Variants in HS3ST3A1 observed in about 807,000 individuals in gnomAD.
HS3ST3A1 encodes heparan sulfate-glucosamine 3-sulfotransferase 3A1.
A neutral mutation model predicts 25.7 loss-of-function variants in HS3ST3A1; 19 were observed. The ratio of observed to expected loss-of-function variants is 0.74; its 90% CI spans 0.52 to 1.08. The LOEUF is 1.08. Among genes scored for constraint, HS3ST3A1 ranks in the 50% least tolerant of loss-of-function variants. The probability of loss-of-function intolerance (pLI) is 0.00; values close to 1 mark genes in which losing one functional copy is unlikely to be tolerated. For synonymous variants in HS3ST3A1, 226 were observed against 278.6 expected (o/e 0.81, Z 1.88); for missense variants, 459 against 594.3 (o/e 0.77, Z 2.37).
chr17:13,572,142 C>G (rs1182032354), intron 1 of HS3ST3A1, among the ~76,000 whole-genome samples: 2 of 152,160 alleles, frequency 1.3e-5, no homozygotes, highest in East Asian at 1.9e-4. Flanking sequence ...TTTATTTTTT[C>G]TGTCTCTCTT....
intron 1 of HS3ST3A1, among the ~76,000 whole-genome samples, chr17:13,553,612 C>T (rs924515740): frequency 2.0e-5 from 3 of 152,158 alleles, no homozygotes; most frequent in African/African-American, 4.8e-5. Flanking sequence ...TGAATGTCTT[C>T]GATTTGATTC....
chr17:13,524,466 CA>C (rs1301716707), intron 1 of HS3ST3A1, among the ~76,000 whole-genome samples: 2 of 152,062 alleles, frequency 1.3e-5, no homozygotes, highest in East Asian at 1.9e-4. Context: ...CCACGTTGCC[CA>C]GGGGGAGGAC....
chr17:13,534,258 C>T (rs1395605675), intron 1 of HS3ST3A1, among the ~76,000 whole-genome samples: 1 of 152,076 alleles, frequency 6.6e-6, no homozygotes, highest in Non-Finnish European at 1.5e-5. Context: ...ATGCTTGGAA[C>T]AAGTACTCAA....
At chr17:13,588,900 G>A (rs953664142) in intron 1 of HS3ST3A1, among the ~76,000 whole-genome samples, 1 of 152,100 alleles carries the variant, frequency 6.6e-6, no homozygotes, top group Non-Finnish European at 1.5e-5. Flanking sequence ...TAGCCAGGAT[G>A]GTCTTGACCG....
chr17:13,595,744 A>G (rs1267296377), intron 1 of HS3ST3A1, among the ~76,000 whole-genome samples: 1 of 152,190 alleles, frequency 6.6e-6, no homozygotes, highest in Non-Finnish European at 1.5e-5. Context: ...TAAGGAAACG[A>G]GCTAAGAATA....
chr17:13,500,307 C>T (rs1418682986), intron 1 of HS3ST3A1, among the ~76,000 whole-genome samples: 1 of 152,146 alleles, frequency 6.6e-6, no homozygotes, highest in Non-Finnish European at 1.5e-5. Context: ...GGCAAAACCG[C>T]AATTACTTTT....
intron 1 of HS3ST3A1, among the ~76,000 whole-genome samples, chr17:13,561,934 G>C (rs1907561319): frequency 6.6e-6 from 1 of 152,080 alleles, no homozygotes; most frequent in African/African-American, 2.4e-5. Context: ...GCTGAAGGCG[G>C]CTTCCTCAGA....
At position 13,519,781 on chromosome 17, in the gene HS3ST3A1, GA is replaced by G. The variant is rs371054464; in HGVS notation, c.600-22964del. ...ATTGTTTTAATCTTTACCAAGTCTAGAAAAAAAAAAGTAACTCCAACCTATT... is the reference window on the plus strand; with the variant it reads ...ATTGTTTTAATCTTTACCAAGTCTAGAAAAAAAAAGTAACTCCAACCTATT... On this transcript the variant is annotated intron_variant, in intron 1 of 1. Transcript: ENST00000284110. Among the ~76,000 whole-genome samples, 688 of 148,322 alleles carry G rather than the reference GA, an allele frequency of 4.6e-3. 2 individuals are homozygous for G. The highest frequency in any genetic ancestry group is 0.015 in the African/African-American group (622 of 40,534).
chr17:13,575,383 A>T (rs1907925399), intron 1 of HS3ST3A1, among the ~76,000 whole-genome samples: 1 of 152,236 alleles, frequency 6.6e-6, no homozygotes, highest in Non-Finnish European at 1.5e-5. Flanking sequence ...ATTGCAAATG[A>T]AACACACTGG....
intron 1 of HS3ST3A1, among the ~76,000 whole-genome samples, chr17:13,564,141 T>C (rs1349820782): frequency 5.3e-5 from 8 of 152,144 alleles, no homozygotes; most frequent in Admixed American, 1.3e-4. Flanking sequence ...TCATGACATG[T>C]GTTAATGATA....
chr17:13,520,702 C>T (rs1050326608), intron 1 of HS3ST3A1, among the ~76,000 whole-genome samples: 7 of 151,886 alleles, frequency 4.6e-5, no homozygotes, highest in African/African-American at 1.7e-4. Context: ...GCAACCTCCA[C>T]CTCCTGGGTT....
At chr17:13,517,397 T>C (rs572894358) in intron 1 of HS3ST3A1, among the ~76,000 whole-genome samples, 1 of 152,238 alleles carries the variant, frequency 6.6e-6, no homozygotes, top group Admixed American at 6.5e-5. Flanking sequence ...GTAGACATAA[T>C]AACAAATGTA....
chr17:13,533,651 A>T (rs1461819382), intron 1 of HS3ST3A1, among the ~76,000 whole-genome samples: 1 of 152,074 alleles, frequency 6.6e-6, no homozygotes, highest in Non-Finnish European at 1.5e-5. Flanking sequence ...ACTTTCATGG[A>T]AACAACTTCC....
At position 13,548,724 on chromosome 17, in the gene HS3ST3A1, C is replaced by T. The variant is rs181029783; in HGVS notation, c.599+51807G>A. Among the ~76,000 whole-genome samples, 5 of 152,230 alleles carry T rather than the reference C, an allele frequency of 3.3e-5. No individual in the cohort carries two copies. In the East Asian group the frequency reaches 5.8e-4, roughly 18 times the overall value. On this transcript the variant is annotated intron_variant, in intron 1 of 1. Transcript: ENST00000284110. ...CTCTGTCTAGCTAAAGGTTTTCAAACGCACCAATCATCACTCTGTAAAAAC... is the reference window on the plus strand; with the variant it reads ...CTCTGTCTAGCTAAAGGTTTTCAAATGCACCAATCATCACTCTGTAAAAAC...
chr17:13,532,893 G>GTA lies in HS3ST3A1; in HGVS notation c.600-36077_600-36076dup, dbSNP rs1304226376. Among the ~76,000 whole-genome samples, 38 of 110,358 alleles carry GTA rather than the reference G, an allele frequency of 3.4e-4. 1 individual carries two copies. In the East Asian group the frequency reaches 4.1e-3, roughly 12 times the overall value. The allele number at this position is 110,358 out of a possible 152,430, so 72.4% of individuals were successfully genotyped here. A position where few individuals can be genotyped will look rare whatever the true frequency, so the allele number is the denominator to read the frequency against. ...AATACATATACGTGTGTGTGTGTGTGTATATGTTTATATACACACACACAC... is the reference window on the plus strand; with the variant it reads ...AATACATATACGTGTGTGTGTGTGTGTATATATGTTTATATACACACACACAC... On this transcript the variant is annotated intron_variant, in intron 1 of 1. Coordinates refer to ENST00000284110, the MANE Select transcript of HS3ST3A1 (RefSeq NM_006042.3).
At chr17:13,566,824 A>G (rs1401485992) in intron 1 of HS3ST3A1, among the ~76,000 whole-genome samples, 5 of 152,326 alleles carry the variant, frequency 3.3e-5, no homozygotes, top group African/African-American at 1.2e-4. Flanking sequence ...AAGTTAGCAG[A>G]GTCTAGTTCA....
intron 1 of HS3ST3A1, among the ~76,000 whole-genome samples, chr17:13,543,012 A>G (rs1906978918): frequency 6.6e-6 from 1 of 152,190 alleles, no homozygotes; most frequent in Admixed American, 6.5e-5. Flanking sequence ...TGGTGCAACC[A>G]GGGATCTGGG....
intron 1 of HS3ST3A1, among the ~76,000 whole-genome samples, chr17:13,544,936 C>T (rs1157358499): frequency 6.6e-6 from 1 of 152,208 alleles, no homozygotes; most frequent in Non-Finnish European, 1.5e-5. Context: ...GTAGCTAAGG[C>T]AAGTTGGGCA....
At chr17:13,520,473 A>T (rs935974092) in intron 1 of HS3ST3A1, among the ~76,000 whole-genome samples, 8 of 152,242 alleles carry the variant, frequency 5.3e-5, no homozygotes, top group African/African-American at 1.7e-4. Context: ...ACATCAACCG[A>T]ATAGGAACAA....
Sources: gnomAD v4.1 joint callset for allele counts (sites outside exome capture counted in the v4.1 genomes callset) on GRCh38, gnomAD v4.1.1 for gene constraint, MANE v1.5 for transcripts, NCBI Gene and HGNC (gene_info 2026-07-23, HGNC 2026-07-21) for gene names.